Variants in SHANK2 observed in about 807,000 individuals in gnomAD.
The protein encoded by SHANK2 is SH3 and multiple ankyrin repeat domains 2, also known as SH3 and multiple ankyrin repeat domains protein 2.
Under a neutral mutation model 133.7 loss-of-function variants are expected in SHANK2, and 43 were observed. That is an observed-to-expected ratio of 0.32 (90% CI 0.25 to 0.41). The LOEUF is 0.41. Ranked by LOEUF, SHANK2 falls within the 10% of genes least tolerant of loss-of-function variation. SHANK2 has a pLI of 1.00. For synonymous variants in SHANK2, 1,017 were observed against 952.8 expected, an observed-to-expected ratio of 1.07 and a Z score of -1.24; for missense variants, 1,994 against 2,235.8, an observed-to-expected ratio of 0.89 and a Z score of 2.18.
chr11:70,881,440 TAC>T (rs1949658145), intron 11 of SHANK2, among the ~76,000 whole-genome samples: 1 of 151,886 alleles, frequency 6.6e-6, no homozygotes, highest in African/African-American at 2.4e-5. Flanking sequence ...TGGGGTTGGT[TAC>T]AGTGTCTTAT....
At chr11:70,493,479 T>A in intron 21 of SHANK2, among the ~76,000 whole-genome samples, 1 of 151,814 alleles carries the variant, frequency 6.6e-6, no homozygotes, top group Non-Finnish European at 1.5e-5. Flanking sequence ...TTTTTTTTTT[T>A]TTACTTGAAA....
At chr11:70,541,531 C>T (rs2136030080) in intron 17 of SHANK2, among the ~76,000 whole-genome samples, 1 of 152,106 alleles carries the variant, frequency 6.6e-6, no homozygotes, top group Non-Finnish European at 1.5e-5. Context: ...TGACTGTGGG[C>T]CTCACCAGAG....
chr11:70,777,414 C>T (rs1240564666), intron 14 of SHANK2, among the ~76,000 whole-genome samples: 1 of 151,932 alleles, frequency 6.6e-6, no homozygotes, highest in African/African-American at 2.4e-5. Flanking sequence ...CACCCACTCA[C>T]CCATTAATCC....
chr11:70,553,389 G>A (rs967239043), intron 17 of SHANK2, among the ~76,000 whole-genome samples: 31 of 152,136 alleles, frequency 2.0e-4, no homozygotes, highest in African/African-American at 6.8e-4. Context: ...CACCGTGCCC[G>A]GCCTGATCTT....
At chr11:70,708,809 C>T (rs1945718889) in intron 14 of SHANK2, among the ~76,000 whole-genome samples, 1 of 152,200 alleles carries the variant, frequency 6.6e-6, no homozygotes, top group African/African-American at 2.4e-5. Flanking sequence ...ACAATAAGCA[C>T]AGATGCCACG....
chr11:70,910,412 C>T (rs993305920), intron 10 of SHANK2, among the ~76,000 whole-genome samples: 2 of 152,164 alleles, frequency 1.3e-5, no homozygotes, highest in Non-Finnish European at 2.9e-5. Flanking sequence ...AAGAGGCTAC[C>T]GCACACTCGA....
chr11:70,494,492 C>T (rs2058940994), intron 21 of SHANK2, among the ~76,000 whole-genome samples: 1 of 152,172 alleles, frequency 6.6e-6, no homozygotes, highest in Non-Finnish European at 1.5e-5. Context: ...CGGGGTTTCA[C>T]CATGTTGGCC....
At chr11:70,586,855 A>G (rs74336682) in intron 17 of SHANK2, among the ~76,000 whole-genome samples, 8,435 of 152,278 alleles carry the variant, frequency 0.055, 295 homozygotes, top group East Asian at 0.1. Flanking sequence ...TAGAGACGCC[A>G]TCCCAGAATA....
intron 11 of SHANK2, among the ~76,000 whole-genome samples, chr11:70,855,359 C>G (rs1198874642): frequency 6.6e-6 from 1 of 152,202 alleles, no homozygotes; most frequent in Non-Finnish European, 1.5e-5. Context: ...AATTGCCCAT[C>G]AGTCTGGCCC....
intron 17 of SHANK2, among the ~76,000 whole-genome samples, chr11:70,613,478 C>T (rs890154727): frequency 2.6e-5 from 4 of 152,162 alleles, no homozygotes; most frequent in African/African-American, 9.7e-5. Flanking sequence ...GCTGGGATTA[C>T]AGGCATGAGC....
intron 3 of SHANK2, among the ~76,000 whole-genome samples, chr11:71,143,192 G>A (rs1381339964): frequency 2.0e-5 from 3 of 152,096 alleles, no homozygotes; most frequent in Admixed American, 1.3e-4. Flanking sequence ...AAGAAATCAC[G>A]CCACTGCACA....
chr11:70,533,512 G>A (rs574677673), intron 17 of SHANK2, among the ~76,000 whole-genome samples: 2 of 152,162 alleles, frequency 1.3e-5, no homozygotes, highest in East Asian at 1.9e-4. Flanking sequence ...ATCACAACCC[G>A]GGGGCCCATG....
intron 12 of SHANK2, among the ~76,000 whole-genome samples, chr11:70,812,253 G>A (rs1162854974): frequency 6.6e-6 from 1 of 152,214 alleles, no homozygotes; most frequent in Non-Finnish European, 1.5e-5. Context: ...CAGAGCCTGG[G>A]GAACCTTTAT....
At chr11:70,727,600 G>T (rs187860906) in intron 14 of SHANK2, among the ~76,000 whole-genome samples, 1 of 152,314 alleles carries the variant, frequency 6.6e-6, no homozygotes, top group Non-Finnish European at 1.5e-5. Context: ...TGTTCCTCTT[G>T]CTAGGTGGTT....
chr11:70,546,969 C>T (rs1247788454), intron 17 of SHANK2, among the ~76,000 whole-genome samples: 4 of 152,152 alleles, frequency 2.6e-5, no homozygotes, highest in African/African-American at 7.2e-5. Context: ...CAAGAACTCC[C>T]GACCCTGGAT....
intron 17 of SHANK2, among the ~76,000 whole-genome samples, chr11:70,582,862 G>A (rs1412027599): frequency 6.6e-6 from 1 of 152,226 alleles, no homozygotes; most frequent in Non-Finnish European, 1.5e-5. Context: ...AGTCTGGGCT[G>A]GGGATGGGGG....
chr11:70,710,663 T>A (rs1452467946), intron 14 of SHANK2, among the ~76,000 whole-genome samples: 1 of 151,894 alleles, frequency 6.6e-6, no homozygotes, highest in Non-Finnish European at 1.5e-5. Flanking sequence ...ACTAGAAGAG[T>A]TGGGGAGGCC....
intron 10 of SHANK2, among the ~76,000 whole-genome samples, chr11:70,897,158 G>T (rs1949948094): frequency 6.6e-6 from 1 of 152,198 alleles, no homozygotes. Flanking sequence ...AAAGATGCAT[G>T]ATCTTTGATA....
At position 70,494,283 on chromosome 11, in the gene SHANK2, C is replaced by A. The variant is rs77163798; in HGVS notation, c.2309-1818G>T. Among the ~76,000 whole-genome samples the A allele has an allele frequency of 5.8e-3, 889 of 152,298 alleles. 8 individuals carry two copies. Among genetic ancestry groups the A allele is most frequent in the African/African-American group, 0.02 (837 of 41,554 alleles). On this transcript the variant is annotated intron_variant, in intron 21 of 25. Coordinates refer to ENST00000601538, the MANE Select transcript of SHANK2 (RefSeq NM_012309.5). ...CAGACCCTTGGGCCAGTCCTGCCCC[C>A]ACCGGGCCAGAACCTCAGGGCAGTC...
Sources: allele counts gnomAD v4.1 joint callset (sites outside exome capture counted in the v4.1 genomes callset), GRCh38; gene constraint gnomAD v4.1.1; transcripts MANE v1.5; gene names NCBI Gene and HGNC (gene_info 2026-07-23, HGNC 2026-07-21).